The following PAPPA variants were observed in gnomAD, a reference collection of about 807,000 sequenced individuals.
The protein encoded by PAPPA is pappalysin 1, also known as pappalysin-1.
PAPPA carries 60 observed loss-of-function variants against 164.0 expected under a neutral mutation model. The observed-to-expected ratio is 0.37, with a 90% CI of 0.30 to 0.45. The LOEUF is 0.45. Ranked by LOEUF, PAPPA falls within the 20% of genes least tolerant of loss-of-function variation. PAPPA has a pLI of 1.00. For synonymous variants in PAPPA, 875 were observed against 814.1 expected (o/e 1.07, Z -1.27); for missense variants, 1,782 against 2,087.3 (o/e 0.85, Z 2.85).
chr9:116,333,400 T>G (rs1479592276), intron 12 of PAPPA, among the ~76,000 whole-genome samples: 1 of 152,170 alleles, frequency 6.6e-6, no homozygotes, highest in African/African-American at 2.4e-5. Flanking sequence ...ACCTTCACAC[T>G]TCCAGTCTAC....
At chr9:116,193,552 C>A (rs962620237) in intron 2 of PAPPA, among the ~76,000 whole-genome samples, 4 of 152,166 alleles carry the variant, frequency 2.6e-5, no homozygotes, top group Non-Finnish European at 4.4e-5. Context: ...GGGGGCTGAG[C>A]TGCGATGGAG....
At chr9:116,196,032 T>C (rs1040790001) in intron 2 of PAPPA, among the ~76,000 whole-genome samples, 1 of 152,142 alleles carries the variant, frequency 6.6e-6, no homozygotes, top group South Asian at 2.1e-4. Context: ...TTGGGGCTCA[T>C]TGAATAGTGA....
At chr9:116,390,237 T>C (rs946518663) in intron 21 of PAPPA, among the ~76,000 whole-genome samples, 7 of 151,554 alleles carry the variant, frequency 4.6e-5, no homozygotes, top group African/African-American at 1.2e-4. Context: ...CCAAAGGCAA[T>C]AAATGAAAGG....
chr9:116,187,262 A>C lies in PAPPA; in HGVS notation c.524A>C (p.Lys175Thr), dbSNP rs776675257. 9 of 1,614,162 alleles carry C rather than the reference A, an allele frequency of 5.6e-6. No individual in the cohort carries two copies. In the South Asian group the frequency reaches 9.9e-5, roughly 18 times the overall value. The change falls in exon 2 of 22, where the codon AAG (lysine) becomes ACG (threonine). Residue 175 changes from lysine to threonine, a missense_variant. Physicochemically the swap from Lys to Thr is moderately conservative, Grantham distance 78. Coordinates refer to ENST00000328252, the MANE Select transcript of PAPPA (RefSeq NM_002581.5). This position sits in a 1 kb window ranked among gnomAD's most constrained non-coding sequence, Gnocchi z 4.2. ...GACCCACGCTACTTTTTCTCCTTGA[A>C]GACAGACCGAGCCCGGCAAGTGACC... is the stretch of plus-strand genomic sequence containing the variant. ...NKDPRYFFSL[K>T]TDRARQVTTI... is the part of the protein sequence containing the mutation.
chr9:116,294,992 G>C (rs567903783), intron 9 of PAPPA, among the ~76,000 whole-genome samples: 11 of 152,170 alleles, frequency 7.2e-5, no homozygotes, highest in African/African-American at 2.7e-4. Context: ...TTTCAGAAGA[G>C]TGCACATTCA....
At chr9:116,362,504 A>G in intron 17 of PAPPA, 88 bp from the exon 18 acceptor site, 1 of 1,422,780 alleles carries the variant, frequency 7.0e-7, no homozygotes, top group South Asian at 1.4e-5. Flanking sequence ...TGGAGAGATG[A>G]AAAATTCTTT....
chr9:116,350,694 A>G (rs1846270117), intron 15 of PAPPA, among the ~76,000 whole-genome samples: 1 of 152,158 alleles, frequency 6.6e-6, no homozygotes, highest in South Asian at 2.1e-4. Flanking sequence ...TACTTTATAT[A>G]CAGCTCCCCT....
At chr9:116,266,777 A>T (rs956203996) in intron 8 of PAPPA, among the ~76,000 whole-genome samples, 1 of 152,250 alleles carries the variant, frequency 6.6e-6, no homozygotes, top group Non-Finnish European at 1.5e-5. Flanking sequence ...GTTTTCTAGT[A>T]CAAAATAGAG....
chr9:116,341,684 T>C (rs1414993103), intron 13 of PAPPA, among the ~76,000 whole-genome samples: 1 of 152,234 alleles, frequency 6.6e-6, no homozygotes, highest in African/African-American at 2.4e-5. Context: ...ATCTTGTTTA[T>C]CCCCTCCGTC....
In PAPPA at chr9:116,334,947, G is replaced by T. The variant is rs776068225; in HGVS notation, c.3484G>T (p.Val1162Leu). 1.2e-6 allele frequency: 2 copies of T among 1,613,528 alleles called. No individual in the cohort carries two copies. The highest frequency in any genetic ancestry group is 1.7e-6 in the Non-Finnish European group (2 of 1,179,948). ...CCAGCCCTTCTACCACAGCCAGGCG[G>T]TACGTGTGAGCTTCAGTTCGCCCCT... ...LSQPFYHSQAVRVSFSSPLVA... is the reference protein window; with the variant it reads ...LSQPFYHSQALRVSFSSPLVA... The change falls in exon 13 of 22, where the codon GTA (valine) becomes TTA (leucine). Residue 1162 changes from valine (V) to leucine (L), a missense_variant. By Grantham distance (32) the Val-to-Leu change is conservative. Transcript: ENST00000328252.
chr9:116,222,676 AC>A (rs2118711946), intron 5 of PAPPA, among the ~76,000 whole-genome samples: 1 of 152,214 alleles, frequency 6.6e-6, no homozygotes, highest in East Asian at 1.9e-4. Context: ...TAGAATGATG[AC>A]CACCAGAGGC....
At chr9:116,346,534 T>TA (rs1846212064) in intron 14 of PAPPA, among the ~76,000 whole-genome samples, 3 of 152,168 alleles carry the variant, frequency 2.0e-5, no homozygotes, top group African/African-American at 7.2e-5. Flanking sequence ...GAGTGCCTAC[T>TA]GTGTGCCAAA....
chr9:116,172,972 C>G (rs993686398), intron 1 of PAPPA, among the ~76,000 whole-genome samples: 1 of 152,162 alleles, frequency 6.6e-6, no homozygotes, highest in Non-Finnish European at 1.5e-5. Flanking sequence ...CCCTTTCTTT[C>G]AAGGAGTTTA....
At position 116,302,806 on chromosome 9, in the gene PAPPA, GT is replaced by G; in HGVS notation, c.3006del (p.Phe1002LeufsTer54). On this transcript the variant is annotated frameshift_variant, in exon 10 of 22. Coordinates refer to ENST00000328252, the MANE Select transcript of PAPPA (RefSeq NM_002581.5). LOFTEE classifies it high-confidence loss of function. The part of the protein sequence containing the change: ...FHDGDGVCEE[F>X]EQKTSIKDCG... ...ATGATGGTGATGGGGTATGTGAGGA[GT>G]TTGAACAAAAAACCAGCATTAAGGA... The G allele has an allele frequency of 6.2e-7, 1 of 1,614,020 alleles. No homozygotes were observed. Among genetic ancestry groups the G allele is most frequent in the East Asian group, 2.2e-5 (1 of 44,860 alleles).
At chr9:116,162,350 G>A (rs1843678512) in intron 1 of PAPPA, among the ~76,000 whole-genome samples, 1 of 152,214 alleles carries the variant, frequency 6.6e-6, no homozygotes, top group Non-Finnish European at 1.5e-5. Context: ...TATACTCACA[G>A]GTCCACATAC....
chr9:116,267,868 C>A (rs10983094), intron 8 of PAPPA, among the ~76,000 whole-genome samples: 1 of 125,970 alleles, frequency 7.9e-6, no homozygotes. Flanking sequence ...GGCGACAGAG[C>A]GAGACTCCGT....
At chr9:116,301,774 G>A (rs1426192607) in intron 9 of PAPPA, among the ~76,000 whole-genome samples, 1 of 152,178 alleles carries the variant, frequency 6.6e-6, no homozygotes. Flanking sequence ...TATCCGACAA[G>A]CCCTTAGAAG....
chr9:116,353,554 G>A, intron 16 of PAPPA, 68 bp from the exon 17 acceptor site: 2 of 1,393,438 alleles, frequency 1.4e-6, no homozygotes, highest in East Asian at 2.3e-5. Flanking sequence ...AGCTGGTGGT[G>A]TTCATGCAGG....
At chr9:116,186,610 G>T (rs561666805) in intron 1 of PAPPA, among the ~76,000 whole-genome samples, 4 of 152,186 alleles carry the variant, frequency 2.6e-5, no homozygotes, top group African/African-American at 9.6e-5. Context: ...GACTGCTAAT[G>T]GCAGATGTAC....
Sources: gnomAD v4.1 joint callset for allele counts (sites outside exome capture counted in the v4.1 genomes callset) on GRCh38, gnomAD v4.1.1 for gene constraint, Gnocchi (gnomAD v3.1) non-coding constraint, MANE v1.5 for transcripts, NCBI Gene and HGNC (gene_info 2026-07-23, HGNC 2026-07-21) for gene names.